Variants in MIS18A observed in about 807,000 individuals in gnomAD.
MIS18A encodes protein Mis18-alpha.
A neutral mutation model predicts 25.0 loss-of-function variants in MIS18A; 14 were observed. The ratio of observed to expected loss-of-function variants is 0.56; its 90% CI spans 0.37 to 0.88. The LOEUF (loss-of-function observed/expected upper bound fraction) is 0.88, where lower values mean the gene tolerates loss of function less well. MIS18A is among the 40% of genes least tolerant of loss of function. MIS18A has a pLI of 0.00. For missense variants in MIS18A, 292 were observed against 290.8 expected (o/e 1.00, Z -0.03); for synonymous variants, 134 against 118.6 (o/e 1.13, Z -0.84).
At chr21:32,273,850 A>G (rs967096099) in intron 2 of MIS18A, among the ~76,000 whole-genome samples, 64 of 152,328 alleles carry the variant, frequency 4.2e-4, no homozygotes, top group African/African-American at 1.5e-3. Flanking sequence ...TGTACCACCT[A>G]AAGTTATTTC....
chr21:32,255,130 G>T, the MIS18A span, among the ~76,000 whole-genome samples: 2 of 152,040 alleles, frequency 1.3e-5, no homozygotes, highest in African/African-American at 2.4e-5. Context: ...ATTAATAGTG[G>T]TTACTTATGG....
the MIS18A span, among the ~76,000 whole-genome samples, chr21:32,172,381 G>C: frequency 6.6e-6 from 1 of 152,012 alleles, no homozygotes; most frequent in Non-Finnish European, 1.5e-5. Flanking sequence ...CCAAGATATG[G>C]TAACATCCTA....
the MIS18A span, among the ~76,000 whole-genome samples, chr21:32,162,865 C>T: frequency 6.6e-6 from 1 of 152,348 alleles, no homozygotes; most frequent in African/African-American, 2.4e-5. Context: ...TGGCCAATCG[C>T]TCCAGGAGTT....
chr21:32,220,169 G>A, the MIS18A span, among the ~76,000 whole-genome samples: 2 of 152,220 alleles, frequency 1.3e-5, no homozygotes, highest in Non-Finnish European at 2.9e-5. Context: ...TGACTCCTAT[G>A]CCTCCTGACT....
the MIS18A span, among the ~76,000 whole-genome samples, chr21:32,252,240 AG>A: frequency 3.2e-3 from 90 of 27,850 alleles, no homozygotes; most frequent in East Asian, 0.047. Context: ...AAGAAGAAGA[AG>A]GAGGAGGAGG....
the MIS18A span, among the ~76,000 whole-genome samples, chr21:32,177,153 A>C: frequency 6.6e-6 from 1 of 152,208 alleles, no homozygotes; most frequent in Non-Finnish European, 1.5e-5. Context: ...CTGTTTAAAA[A>C]TTAAAACTCA....
At chr21:32,227,592 C>T in the MIS18A span, among the ~76,000 whole-genome samples, 1 of 152,036 alleles carries the variant, frequency 6.6e-6, no homozygotes, top group African/African-American at 2.4e-5. Context: ...AAAGGTCAGG[C>T]CCAGATAGCT....
rs762286988 is a variant in MIS18A at position 32,278,999 on chromosome 21, A to T, written c.16T>A (p.Ser6Thr). The T allele has an allele frequency of 6.3e-7, 1 of 1,599,332 alleles. No individual in the cohort carries two copies. The highest frequency in any genetic ancestry group is 8.5e-7 in the Non-Finnish European group (1 of 1,173,380). ...GCGCATCCTCTGCTACACCTCAGTG[A>T]CCGAACGCCTGCCATTACCTACAAA... MAGVRSLRCSRGCAGG... is the reference protein window; with the variant it reads MAGVRTLRCSRGCAGG... Residue 6 changes from serine (S) to threonine (T), a missense_variant, in exon 1 of 5, where the codon TCA becomes ACA. Transcript: ENST00000290130.
At position 32,269,761 on chromosome 21, in the gene MIS18A, A is replaced by G. The variant is rs1401228250; in HGVS notation, c.567T>C (p.Asp189=). Residue 189 remains aspartate, a synonymous_variant, in exon 4 of 5, where the codon GAT becomes GAC. Transcript: ENST00000290130. ...GSSEKQIVSE[D]KELFNLESRV... ...TGCTTTCAAGATTAAAAAGCTCTTT[A>G]TCTTCTGACACAATTTGCTTTTCAG... 1.2e-6 allele frequency: 2 copies of G among 1,611,866 alleles called. No homozygotes were observed. Among genetic ancestry groups the G allele is most frequent in the African/African-American group, 1.3e-5 (1 of 74,896 alleles).
the MIS18A span, among the ~76,000 whole-genome samples, chr21:32,194,585 G>T: frequency 6.6e-6 from 1 of 152,052 alleles, no homozygotes; most frequent in Admixed American, 6.5e-5. Context: ...CTTGAACCTG[G>T]GAGGCAGAGG....
the MIS18A span, among the ~76,000 whole-genome samples, chr21:32,234,261 C>T: frequency 3.3e-5 from 5 of 152,124 alleles, no homozygotes; most frequent in Admixed American, 6.5e-5. Context: ...GTGGTTGGAG[C>T]GGAGGGTTCT....
At chr21:32,200,108 G>A in the MIS18A span, among the ~76,000 whole-genome samples, 3 of 152,300 alleles carry the variant, frequency 2.0e-5, no homozygotes, top group East Asian at 5.8e-4. Context: ...CAATAAATAC[G>A]TAGGCTTTGC....
the MIS18A span, among the ~76,000 whole-genome samples, chr21:32,254,356 C>G: frequency 6.6e-6 from 1 of 151,830 alleles, no homozygotes; most frequent in East Asian, 1.9e-4. Flanking sequence ...CCTGGCCAAC[C>G]CTGTCTCTAA....
At chr21:32,249,053 A>G in the MIS18A span, among the ~76,000 whole-genome samples, 1 of 152,182 alleles carries the variant, frequency 6.6e-6, no homozygotes, top group South Asian at 2.1e-4. Context: ...AAATAAACCT[A>G]AGAGCACTTG....
the MIS18A span, among the ~76,000 whole-genome samples, chr21:32,170,416 C>T: frequency 3.3e-5 from 5 of 152,112 alleles, no homozygotes; most frequent in African/African-American, 1.2e-4. Flanking sequence ...ATTAACATCA[C>T]AGCTGCTTGT....
the MIS18A span, among the ~76,000 whole-genome samples, chr21:32,239,443 T>C: frequency 6.6e-6 from 1 of 152,226 alleles, no homozygotes; most frequent in Non-Finnish European, 1.5e-5. Flanking sequence ...CTGATAAGGT[T>C]TGACAGAAAA....
chr21:32,214,442 G>A, the MIS18A span, among the ~76,000 whole-genome samples: 86 of 144,314 alleles, frequency 6.0e-4, no homozygotes, highest in East Asian at 0.016. Flanking sequence ...TTGGTGCTGC[G>A]CTTTCCAAAC....
the MIS18A span, among the ~76,000 whole-genome samples, chr21:32,220,461 AC>A: frequency 6.6e-6 from 1 of 152,072 alleles, no homozygotes; most frequent in Non-Finnish European, 1.5e-5. Flanking sequence ...CCACGCAAAA[AC>A]CCCATCCGAA....
chr21:32,276,696 C>G (rs1456052677), intron 1 of MIS18A, among the ~76,000 whole-genome samples: 5 of 151,820 alleles, frequency 3.3e-5, no homozygotes, highest in Admixed American at 3.3e-4. Context: ...TTTAGGAGGC[C>G]GAAGCAGGGG....
Sources: gnomAD v4.1 joint callset for allele counts (sites outside exome capture counted in the v4.1 genomes callset) on GRCh38, gnomAD v4.1.1 for gene constraint, MANE v1.5 for transcripts, NCBI Gene and HGNC (gene_info 2026-07-23, HGNC 2026-07-21) for gene names.